HMGCLL1: variants seen among roughly 807,000 people sequenced by gnomAD.
HMGCLL1 encodes 3-hydroxymethyl-3-methylglutaryl-CoA lyase, cytoplasmic.
A neutral mutation model predicts 39.1 loss-of-function variants in HMGCLL1; 36 were observed. The ratio of observed to expected loss-of-function variants is 0.92; its 90% CI spans 0.71 to 1.22. The LOEUF (loss-of-function observed/expected upper bound fraction) is 1.22. Ranked by LOEUF, HMGCLL1 falls within the 50% of genes most tolerant of loss-of-function variation. The probability of loss-of-function intolerance (pLI) is 0.00; values close to 1 mark genes in which losing one functional copy is unlikely to be tolerated. For missense variants in HMGCLL1, 451 were observed against 416.5 expected (o/e 1.08, Z -0.72); for synonymous variants, 149 against 144.0 (o/e 1.03, Z -0.25).
chr6:55,674,643 A>C, the HMGCLL1 span, among the ~76,000 whole-genome samples: 1 of 151,996 alleles, frequency 6.6e-6, no homozygotes, highest in African/African-American at 2.4e-5. Context: ...TACGCTTCCT[A>C]ATTTGGGGCT....
At chr6:55,569,676 TG>T (rs1561968740) in intron 1 of HMGCLL1, among the ~76,000 whole-genome samples, 1 of 152,196 alleles carries the variant, frequency 6.6e-6, no homozygotes, top group African/African-American at 2.4e-5. Context: ...CGTTCAGTAG[TG>T]GTAGCTGTAT....
chr6:55,539,241 C>T (rs111697388), intron 3 of HMGCLL1, among the ~76,000 whole-genome samples: 1,542 of 152,206 alleles, frequency 0.01, 27 homozygotes, highest in African/African-American at 0.034. Flanking sequence ...AGTTTCCAGG[C>T]TTTGTCAATG....
chr6:55,578,639 T>C (rs1771873333), intron 1 of HMGCLL1, among the ~76,000 whole-genome samples: 1 of 152,168 alleles, frequency 6.6e-6, no homozygotes, highest in African/African-American at 2.4e-5. Flanking sequence ...GAATACAAAT[T>C]GTATTACGTA....
the HMGCLL1 span, among the ~76,000 whole-genome samples, chr6:55,594,027 A>G: frequency 6.6e-6 from 1 of 152,218 alleles, no homozygotes; most frequent in African/African-American, 2.4e-5. Context: ...TATATTATTC[A>G]TCATTTTATT....
At chr6:55,541,871 T>C (rs1489423911) in intron 2 of HMGCLL1, 35 bp from the exon 3 acceptor site, 1 of 1,222,636 alleles carries the variant, frequency 8.2e-7, no homozygotes, top group African/African-American at 1.5e-5. Flanking sequence ...AAGTAAATTG[T>C]ATAGGTCCTA....
At position 55,495,477 on chromosome 6, in the gene HMGCLL1, G is replaced by C; in HGVS notation, c.737C>G (p.Ala246Gly). ...TCCGTATGTGTCATGACAGTGAACAGCAAGAGCACCTGGTGGGATTTCTTT... is the reference window on the plus strand; with the variant it reads ...TCCGTATGTGTCATGACAGTGAACACCAAGAGCACCTGGTGGGATTTCTTT... ...VMKEIPPGAL[A>G]VHCHDTYGQA... The change falls in exon 7 of 9, where the codon GCT becomes GGT. Residue 246 changes from alanine to glycine, a missense_variant. Physicochemically the swap from Ala to Gly is moderately conservative, Grantham distance 60. Coordinates refer to ENST00000274901, the MANE Select transcript of HMGCLL1 (RefSeq NM_001042406.2). The C allele has an allele frequency of 6.2e-7, 1 of 1,614,054 alleles. No homozygotes were observed. Among genetic ancestry groups the C allele is most frequent in the South Asian group, 1.1e-5 (1 of 91,084 alleles).
chr6:55,663,990 A>G, the HMGCLL1 span, among the ~76,000 whole-genome samples: 184 of 151,766 alleles, frequency 1.2e-3, no homozygotes, highest in African/African-American at 4.2e-3. Context: ...TACAACTGCA[A>G]TCTCTGCATT....
At chr6:55,450,620 G>T (rs2127388442) in intron 7 of HMGCLL1, among the ~76,000 whole-genome samples, 1 of 152,314 alleles carries the variant, frequency 6.6e-6, no homozygotes, top group East Asian at 1.9e-4. Flanking sequence ...GAAGAAGAGA[G>T]TTGAGGAAGA....
chr6:55,510,203 C>G (rs1268539577), intron 5 of HMGCLL1, among the ~76,000 whole-genome samples: 1 of 151,908 alleles, frequency 6.6e-6, no homozygotes. Context: ...GAAGGTTAAT[C>G]ACGAATCAAA....
chr6:55,485,855 A>T (rs1182488786), intron 7 of HMGCLL1, among the ~76,000 whole-genome samples: 1 of 151,892 alleles, frequency 6.6e-6, no homozygotes, highest in Admixed American at 6.6e-5. Flanking sequence ...GGCTGGAAAT[A>T]GCCTCTCTAA....
At chr6:55,597,535 A>G in the HMGCLL1 span, among the ~76,000 whole-genome samples, 1 of 151,934 alleles carries the variant, frequency 6.6e-6, no homozygotes, top group African/African-American at 2.4e-5. Context: ...AAGAAGGAAA[A>G]AAAAGAGGTT....
At chr6:55,655,798 A>G in the HMGCLL1 span, among the ~76,000 whole-genome samples, 2 of 152,000 alleles carry the variant, frequency 1.3e-5, no homozygotes, top group Non-Finnish European at 2.9e-5. Context: ...TTGTTATCTT[A>G]GATGACCTCA....
chr6:55,489,095 G>A (rs1766187967), intron 7 of HMGCLL1, among the ~76,000 whole-genome samples: 1 of 151,982 alleles, frequency 6.6e-6, no homozygotes, highest in African/African-American at 2.4e-5. Context: ...GGAAAAGTCT[G>A]TGTTACATTA....
chr6:55,646,169 AC>A, the HMGCLL1 span, among the ~76,000 whole-genome samples: 1 of 151,820 alleles, frequency 6.6e-6, no homozygotes, highest in African/African-American at 2.4e-5. Flanking sequence ...AGATATTCCA[AC>A]TTATTGGCAT....
intron 7 of HMGCLL1, among the ~76,000 whole-genome samples, chr6:55,479,082 A>G (rs1765599404): frequency 6.6e-6 from 1 of 151,522 alleles, no homozygotes; most frequent in African/African-American, 2.4e-5. Flanking sequence ...TTAAGCTGAA[A>G]GAAATCTCTC....
chr6:55,462,736 A>C (rs964474403), intron 7 of HMGCLL1, among the ~76,000 whole-genome samples: 1 of 152,130 alleles, frequency 6.6e-6, no homozygotes, highest in Non-Finnish European at 1.5e-5. Context: ...CTTACTATTA[A>C]ACTAATTATA....
chr6:55,618,087 T>G, the HMGCLL1 span, among the ~76,000 whole-genome samples: 3 of 151,972 alleles, frequency 2.0e-5, no homozygotes, highest in East Asian at 5.8e-4. Context: ...TTTTTAGGAA[T>G]GCATGCATAG....
In HMGCLL1 at chr6:55,499,301, T is replaced by A; in HGVS notation, c.543-2A>T. The A allele has an allele frequency of 6.3e-7, 1 of 1,591,136 alleles. No homozygotes were observed. Among genetic ancestry groups the A allele is most frequent in the South Asian group, 1.2e-5 (1 of 86,206 alleles). ...CAGCCCAGAGCACAAGACACATACC[T>A]AAATTAAAAATACAGCCTTATAAAT... On this transcript the variant is annotated splice_acceptor_variant, in intron 5 of 8. Coordinates refer to ENST00000274901, the MANE Select transcript of HMGCLL1 (RefSeq NM_001042406.2). LOFTEE classifies it high-confidence loss of function.
chr6:55,464,611 T>C (rs1478630810), intron 7 of HMGCLL1, among the ~76,000 whole-genome samples: 1 of 152,148 alleles, frequency 6.6e-6, no homozygotes, highest in Non-Finnish European at 1.5e-5. Flanking sequence ...TCCTTGTACA[T>C]ACCTACAGAG....
Sources: gnomAD v4.1 joint callset for allele counts (sites outside exome capture counted in the v4.1 genomes callset) on GRCh38, gnomAD v4.1.1 for gene constraint, MANE v1.5 for transcripts, NCBI Gene and HGNC (gene_info 2026-07-23, HGNC 2026-07-21) for gene names.